Variants in SF3B3 observed in about 807,000 individuals in gnomAD.
SF3B3 encodes the protein splicing factor 3b subunit 3.
SF3B3 carries 33 observed loss-of-function variants against 139.2 expected under a neutral mutation model. The ratio of observed to expected loss-of-function variants is 0.24; its 90% CI spans 0.18 to 0.32. SF3B3 has a LOEUF of 0.32. Among genes scored for constraint, SF3B3 ranks in the 10% least tolerant of loss-of-function variants. The pLI, the probability that SF3B3 is intolerant of heterozygous loss-of-function variation, is 1.00. For missense variants in SF3B3, 818 were observed against 1,509.4 expected (o/e 0.54, Z 7.59); for synonymous variants, 596 against 563.6 (o/e 1.06, Z -0.81).
intron 23 of SF3B3, 166 bp from the exon 24 acceptor site, chr16:70,569,840 T>A: frequency 1.4e-6 from 1 of 691,376 alleles, no homozygotes; most frequent in Non-Finnish European, 2.4e-6. Flanking sequence ...TTGCCCAGGC[T>A]GGTCTTGAAA....
intron 1 of SF3B3, among the ~76,000 whole-genome samples, chr16:70,524,247 G>C (rs535461273): frequency 6.6e-6 from 1 of 152,228 alleles, no homozygotes; most frequent in South Asian, 2.1e-4. Flanking sequence ...AGAGTAAATG[G>C]TACACCGAGG....
At chr16:70,557,557 T>C (rs993713081) in intron 15 of SF3B3, among the ~76,000 whole-genome samples, 3 of 152,218 alleles carry the variant, frequency 2.0e-5, no homozygotes, top group Non-Finnish European at 2.9e-5. Context: ...TGCTTTTTAA[T>C]TTTACTTCCT....
At position 70,565,223 on chromosome 16, in the gene SF3B3, G is replaced by C; in HGVS notation, c.2622G>C (p.Gly874=). The stretch of plus-strand genomic sequence containing the variant: ...TCCGAGTGATGAATCCCATTCAAGG[G>C]AACACACTGGACCTTGTCCAGCTGG... ...SVIRVMNPIQ[G]NTLDLVQLEQ... is the part of the protein sequence containing the mutation. The change falls in exon 19 of 26, where the codon GGG becomes GGC. Residue 874 remains glycine (G), a synonymous_variant. Coordinates refer to ENST00000302516, the MANE Select transcript of SF3B3 (RefSeq NM_012426.5). 1 of 1,614,206 alleles carries C rather than the reference G, an allele frequency of 6.2e-7. No individual in the cohort carries two copies. Among genetic ancestry groups the C allele is most frequent in the Non-Finnish European group, 8.5e-7 (1 of 1,180,040 alleles).
At chr16:70,566,307 A>C (rs1392880419) in intron 20 of SF3B3, among the ~76,000 whole-genome samples, 1 of 152,090 alleles carries the variant, frequency 6.6e-6, no homozygotes, top group African/African-American at 2.4e-5. Context: ...TCACGCCTGT[A>C]ATCCCAGCAC....
rs1485994719 is a variant in SF3B3, at chr16:70,528,167, T to TC, written c.71-706_71-705insC. Among the ~76,000 whole-genome samples the TC allele has an allele frequency of 2.1e-5, 3 of 144,288 alleles. No individual in the cohort carries two copies. In the East Asian group the frequency reaches 5.9e-4, roughly 28 times the overall value. 94.7% of individuals were successfully genotyped at this position (144,288 alleles called of 152,430 possible). A position where few individuals can be genotyped will look rare whatever the true frequency, so the allele number is the denominator to read the frequency against. On this transcript the variant is annotated intron_variant, in intron 2 of 25. Coordinates refer to ENST00000302516, the MANE Select transcript of SF3B3 (RefSeq NM_012426.5). ...TAAAATGATGGAGAAGTTTTCTTTT[T>TC]TTTTTTTTTTTTTTTGAGACGTAGT...
At chr16:70,555,237 TA>T (rs2151789019) in intron 13 of SF3B3, 31 bp downstream of exon 13, 2 of 1,595,916 alleles carry the variant, frequency 1.3e-6, no homozygotes, top group East Asian at 4.5e-5. Context: ...CTGTGGGACT[TA>T]TTGTAGGGAC....
intron 13 of SF3B3, 112 bp downstream of exon 13, chr16:70,555,318 A>G: frequency 9.8e-7 from 1 of 1,020,214 alleles, no homozygotes; most frequent in South Asian, 1.4e-5. Context: ...TCTCTACTAA[A>G]AATACAAAAA....
In SF3B3 at chr16:70,571,934, G is replaced by T; in HGVS notation, c.*121G>T. The T allele has an allele frequency of 8.4e-7, 1 of 1,194,944 alleles. No homozygotes were observed. Among genetic ancestry groups the T allele is most frequent in the Non-Finnish European group, 1.2e-6 (1 of 840,600 alleles). The allele number at this position is 1,194,944 out of a possible 1,614,324, so 74.0% of individuals were successfully genotyped here. A position where few individuals can be genotyped will look rare whatever the true frequency, so the allele number is the denominator to read the frequency against. On this transcript the variant is annotated 3_prime_UTR_variant, in exon 26 of 26. Coordinates refer to ENST00000302516, the MANE Select transcript of SF3B3 (RefSeq NM_012426.5). ...GACTGGATAATTAAGACTGCATTATGAAAGTCAACAGCTCTTTCCCCTCAG... is the reference window on the plus strand; with the variant it reads ...GACTGGATAATTAAGACTGCATTATTAAAGTCAACAGCTCTTTCCCCTCAG...
chr16:70,533,995 G>A (rs1490028791), intron 5 of SF3B3, among the ~76,000 whole-genome samples: 3 of 152,124 alleles, frequency 2.0e-5, no homozygotes, highest in African/African-American at 2.4e-5. Context: ...ACGTGGTGCC[G>A]CCTTTGTGCA....
chr16:70,568,627 ACT>A (rs1597724957), intron 22 of SF3B3, 132 bp downstream of exon 22: 2 of 690,046 alleles, frequency 2.9e-6, no homozygotes, highest in East Asian at 2.7e-5. Flanking sequence ...ACTAAAGCTA[ACT>A]CTACAAGCAA....
chr16:70,547,678 C>T (rs2050281498), intron 10 of SF3B3, among the ~76,000 whole-genome samples: 1 of 152,212 alleles, frequency 6.6e-6, no homozygotes, highest in African/African-American at 2.4e-5. Flanking sequence ...ACCGCAACCT[C>T]CGCCTCCCGG....
Position 70,560,610 on chromosome 16 carries a change from G to T in SF3B3, c.2133+19G>T, listed in dbSNP as rs761315207. On this transcript the variant is annotated intron_variant, in intron 16 of 25. Coordinates refer to ENST00000302516, the MANE Select transcript of SF3B3 (RefSeq NM_012426.5). The stretch of plus-strand genomic sequence containing the variant: ...GGAGGCAGTAAGTAATGAAGGTTGG[G>T]GACAGGCAACATCTTTGGGATTTTA... 3.6e-5 allele frequency: 58 copies of T among 1,611,628 alleles called. No homozygotes were observed. Among genetic ancestry groups the T allele is most frequent in the Non-Finnish European group, 4.9e-5 (58 of 1,178,510 alleles).
rs755161718 is a variant in SF3B3, at chr16:70,523,842, A to T, written c.-157A>T. ...TCCCTGTCTTGAGGTCTAATGGCGGACGCCAGTATGTTGGAGTTGGTGGTG... is the reference window on the plus strand; with the variant it reads ...TCCCTGTCTTGAGGTCTAATGGCGGTCGCCAGTATGTTGGAGTTGGTGGTG... On this transcript the variant is annotated 5_prime_UTR_variant, in exon 1 of 26. Coordinates refer to ENST00000302516, the MANE Select transcript of SF3B3 (RefSeq NM_012426.5). 2 of 533,664 alleles carry T rather than the reference A, an allele frequency of 3.7e-6. No homozygotes were observed. The highest frequency in any genetic ancestry group is 3.3e-6 in the Non-Finnish European group (1 of 303,972). The allele number at this position is 533,664 out of a possible 1,614,324, so 33.1% of individuals were successfully genotyped here.
intron 3 of SF3B3, 97 bp from the exon 4 acceptor site, chr16:70,530,648 A>T (rs971781673): frequency 4.9e-6 from 5 of 1,025,970 alleles, no homozygotes; most frequent in Non-Finnish European, 7.3e-6. Flanking sequence ...GCTGTTAATA[A>T]TGATTAAAAG....
At chr16:70,560,347 A>G (rs2050417578) in intron 15 of SF3B3, 122 bp from the exon 16 acceptor site, 1 of 1,009,066 alleles carries the variant, frequency 9.9e-7, no homozygotes, top group Admixed American at 2.8e-5. Context: ...TCTTTTTTAA[A>G]CACCCAAGTC....
At position 70,555,110 on chromosome 16, in the gene SF3B3, C is replaced by A. The variant is rs746030641; in HGVS notation, c.1614C>A (p.Thr538=). The change falls in exon 13 of 26, where the codon ACC becomes ACA. Residue 538 remains threonine, a synonymous_variant. Transcript: ENST00000302516. ...RADKRVNEWK[T]PGKKTIVKCA... The stretch of plus-strand genomic sequence containing the variant: ...ACAAGAGAGTCAATGAGTGGAAGAC[C>A]CCTGGAAAGAAAACAATTGTGAAGT... The A allele has an allele frequency of 1.2e-6, 2 of 1,613,982 alleles. No homozygotes were observed. The highest frequency in any genetic ancestry group is 2.2e-5 in the South Asian group (2 of 91,076).
At chr16:70,540,956 A>G (rs182306497) in intron 8 of SF3B3, among the ~76,000 whole-genome samples, 18 of 152,244 alleles carry the variant, frequency 1.2e-4, no homozygotes, top group Non-Finnish European at 1.6e-4. Flanking sequence ...TTTTTTGGGT[A>G]TATATGTAGG....
In SF3B3 at chr16:70,574,723, C is replaced by T. The variant is rs1158278579; in HGVS notation, c.*2910C>T. ...GGACAGGGTGGTCTCGAACTCCTGG[C>T]CTAAAGTGGTCCACCTAGCTCAGCC... On this transcript the variant is annotated 3_prime_UTR_variant, in exon 26 of 26. Coordinates refer to ENST00000302516, the MANE Select transcript of SF3B3 (RefSeq NM_012426.5). 2.6e-5 allele frequency: 4 copies of T among 152,214 alleles called. No individual in the cohort carries two copies. 9.4% of individuals were successfully genotyped at this position (152,214 alleles called of 1,614,324 possible). A position where few individuals can be genotyped will look rare whatever the true frequency, so the allele number is the denominator to read the frequency against.
At chr16:70,565,011 G>C in intron 18 of SF3B3, 54 bp from the exon 19 acceptor site, 1 of 1,563,444 alleles carries the variant, frequency 6.4e-7, no homozygotes, top group Non-Finnish European at 8.8e-7. Flanking sequence ...CCTCTTCTCA[G>C]CCAGCCCCTA....
Sources: gnomAD v4.1 joint callset for allele counts (sites outside exome capture counted in the v4.1 genomes callset) on GRCh38, gnomAD v4.1.1 for gene constraint, MANE v1.5 for transcripts, NCBI Gene and HGNC (gene_info 2026-07-23, HGNC 2026-07-21) for gene names.